PODNL1: variants seen among roughly 807,000 people sequenced by gnomAD.
PODNL1 encodes podocan-like protein 1.
In PODNL1, 50 loss-of-function variants were observed where a neutral mutation model predicts 45.1. The observed-to-expected ratio is 1.11, with a 90% CI of 0.88 to 1.40. The LOEUF (loss-of-function observed/expected upper bound fraction) is 1.40, where lower values mean the gene tolerates loss of function less well. Ranked by LOEUF, PODNL1 falls within the 40% of genes most tolerant of loss-of-function variation. The probability of loss-of-function intolerance (pLI) is 0.00; values close to 1 mark genes in which losing one functional copy is unlikely to be tolerated. For missense variants in PODNL1, 788 were observed against 793.3 expected (o/e 0.99, Z 0.08); for synonymous variants, 406 against 372.5 (o/e 1.09, Z -1.04).
chr19:13,932,604 C>T, intron 8 of PODNL1, 194 bp downstream of exon 8: 1 of 1,441,550 alleles, frequency 6.9e-7, no homozygotes, highest in Non-Finnish European at 9.4e-7. Flanking sequence ...GATTCTCCTG[C>T]CTTGGCTCCC....
upstream of PODNL1, among the ~76,000 whole-genome samples, chr19:13,940,288 G>C (rs1236553778): frequency 1.3e-5 from 2 of 151,684 alleles, no homozygotes; most frequent in Non-Finnish European, 2.9e-5. Context: ...AACTTTGTGG[G>C]GGGCCAGGCG....
intron 1 of PODNL1, among the ~76,000 whole-genome samples, chr19:13,948,774 CAAAAAA>C (rs781038849): frequency 4.4e-5 from 3 of 68,196 alleles, no homozygotes; most frequent in African/African-American, 1.5e-4. Context: ...CCTGCCTCTA[CAAAAAA>C]AAAAAAAAAA....
intron 5 of PODNL1, among the ~76,000 whole-genome samples, chr19:13,935,011 T>G (rs943630228): frequency 6.6e-6 from 1 of 151,888 alleles, no homozygotes; most frequent in Non-Finnish European, 1.5e-5. Context: ...TGTGTGCCTG[T>G]GTGCATGTGG....
rs765843888 is a variant in PODNL1, at chr19:13,936,007, C to CAGCT, written c.353_356dup (p.Gln120AlafsTer119). ...TGTTGTGAGCCACGCAGAGGTGCTG[C>CAGCT]AGCTGGGTGAGGGACTCGAAGGCCT... On this transcript the variant is annotated frameshift_variant, in exon 4 of 10. Transcript: ENST00000588872. LOFTEE classifies it high-confidence loss of function. The CAGCT allele has an allele frequency of 1.8e-5, 28 of 1,553,024 alleles. No homozygotes were observed. In the South Asian group the frequency reaches 3.2e-4, roughly 18 times the overall value.
chr19:13,933,397 C>T lies in PODNL1; in HGVS notation c.826G>A (p.Ala276Thr), dbSNP rs941050885. Residue 276 changes from alanine (A) to threonine (T), a missense_variant, in exon 8 of 10, where the codon GCC becomes ACC. Transcript: ENST00000588872. This position sits in a 1 kb window ranked among gnomAD's most constrained non-coding sequence, Gnocchi z 5.2. ...LSHNQLTTVPAGLPRTLAILH... is the reference protein window; with the variant it reads ...LSHNQLTTVPTGLPRTLAILH... ...ATAGCCAGGGTCCGGGGCAGGCCGG[C>T]GGGCACTGTGGTCAGCTGGTTGTGG... 41 of 1,603,686 alleles carry T rather than the reference C, an allele frequency of 2.6e-5. No homozygotes were observed. In the East Asian group the frequency reaches 3.6e-4, roughly 14 times the overall value.
chr19:13,932,231 C>A, intron 8 of PODNL1, 119 bp from the exon 9 acceptor site: 1 of 1,211,988 alleles, frequency 8.3e-7, no homozygotes, highest in Non-Finnish European at 1.0e-6. Flanking sequence ...GCCCTTCTGC[C>A]CCCCACCCCC....
In PODNL1 at chr19:13,936,053, G is replaced by GT. The variant is rs1972329263; in HGVS notation, c.320-10dup. ...GGCCTCGTCAGGCAGGCCTGGGAGAGTAGGGGGGCAGTGAAGGGACCCCAG... is the reference window on the plus strand; with the variant it reads ...GGCCTCGTCAGGCAGGCCTGGGAGAGTTAGGGGGGCAGTGAAGGGACCCCAG... On this transcript the variant is annotated splice_polypyrimidine_tract_variant and intron_variant, in intron 3 of 9. Transcript: ENST00000588872. 1 of 1,548,986 alleles carries GT rather than the reference G, an allele frequency of 6.5e-7. No homozygotes were observed. Among genetic ancestry groups the GT allele is most frequent in the Admixed American group, 2.0e-5 (1 of 51,040 alleles).
intron 5 of PODNL1, among the ~76,000 whole-genome samples, chr19:13,934,714 AAG>A (rs746955288): frequency 1.3e-4 from 19 of 150,182 alleles, no homozygotes; most frequent in South Asian, 8.4e-4. Context: ...ATGTGATTGT[AAG>A]AGTGTGTGGG....
intron 1 of PODNL1, among the ~76,000 whole-genome samples, chr19:13,946,158 A>G (rs967539391): frequency 1.3e-5 from 2 of 151,982 alleles, no homozygotes; most frequent in African/African-American, 4.8e-5. Flanking sequence ...TTGGCTGGGT[A>G]CAGTGGCTCA....
At chr19:13,941,526 A>C (rs777375544), upstream of PODNL1, among the ~76,000 whole-genome samples, 12 of 151,858 alleles carry the variant, frequency 7.9e-5, no homozygotes, top group African/African-American at 2.4e-5. Flanking sequence ...ATCAAGAAAC[A>C]GTGGCTGGGC....
chr19:13,931,917 A>T, intron 9 of PODNL1, 30 bp from the exon 10 acceptor site: 1 of 1,231,820 alleles, frequency 8.1e-7, no homozygotes, highest in Non-Finnish European at 1.0e-6. Context: ...TGACCCTCCC[A>T]GGCCCTCCCC....
Position 13,933,985 on chromosome 19 carries a change from G to T in PODNL1, c.660C>A (p.Leu220=). 6.2e-7 allele frequency: 1 copy of T among 1,605,318 alleles called. No individual in the cohort carries two copies. The highest frequency in any genetic ancestry group is 8.5e-7 in the Non-Finnish European group (1 of 1,175,950). The change falls in exon 7 of 10, where the codon CTC becomes CTA. Residue 220 remains leucine, a synonymous_variant. Coordinates refer to ENST00000588872, the MANE Select transcript of PODNL1 (RefSeq NM_001370095.3). The surrounding 1 kb of genome is among the most constrained non-coding windows in gnomAD (Gnocchi z 5.2). ...GGGCTCCTCGGGGCACCTTGGAGAT[G>T]AGATTGTTCTGGAGAAGGAAGAAGA... ...SLERLHLQNN[L]ISKVPRGALS...
intron 8 of PODNL1, 157 bp from the exon 9 acceptor site, chr19:13,932,269 A>C: frequency 1.0e-6 from 1 of 988,690 alleles, no homozygotes; most frequent in Non-Finnish European, 1.3e-6. Flanking sequence ...TCCCTTCTGC[A>C]GAGGTAAACT....
chr19:13,938,090 T>C, intron 1 of PODNL1, 84 bp from the exon 2 acceptor site: 1 of 1,479,156 alleles, frequency 6.8e-7, no homozygotes, highest in Non-Finnish European at 9.1e-7. Context: ...TCGGGGAGGG[T>C]CTTGGTGGGG....
chr19:13,941,273 G>T (rs1057062853), upstream of PODNL1, among the ~76,000 whole-genome samples: 1 of 151,458 alleles, frequency 6.6e-6, no homozygotes, highest in African/African-American at 2.4e-5. Context: ...GGCTAATGCA[G>T]GAGAATTGCT....
intron 5 of PODNL1, 57 bp downstream of exon 5, chr19:13,935,664 C>G (rs926532852): frequency 1.5e-6 from 2 of 1,300,096 alleles, no homozygotes; most frequent in African/African-American, 1.5e-5. Flanking sequence ...CTCCTAGAAC[C>G]GGGGCATGAC....
chr19:13,938,016 A>G lies in PODNL1; in HGVS notation c.4-10T>C, dbSNP rs1421957081. On this transcript the variant is annotated splice_polypyrimidine_tract_variant and intron_variant, in intron 1 of 9. Coordinates refer to ENST00000588872, the MANE Select transcript of PODNL1 (RefSeq NM_001370095.3). Reference sequence around the variant, plus strand: ...GCAGCAGGCTCGGCCACTGCGGGGGAGGGAGGGTCAGCGTGTCTCCAGGCT... The same window carrying G: ...GCAGCAGGCTCGGCCACTGCGGGGGGGGGAGGGTCAGCGTGTCTCCAGGCT... 2 of 1,501,904 alleles carry G rather than the reference A, an allele frequency of 1.3e-6. No individual in the cohort carries two copies. The highest frequency in any genetic ancestry group is 2.5e-5 in the South Asian group (2 of 80,138). The allele number at this position is 1,501,904 out of a possible 1,614,324, so 93.0% of individuals were successfully genotyped here.
chr19:13,935,052 CTG>C (rs757407385), intron 5 of PODNL1, among the ~76,000 whole-genome samples: 4 of 145,772 alleles, frequency 2.7e-5, no homozygotes, highest in Admixed American at 6.8e-5. Context: ...GTATGTGAGT[CTG>C]TGTGTGTGCT....
upstream of PODNL1, among the ~76,000 whole-genome samples, chr19:13,939,558 T>C (rs1483134120): frequency 1.3e-5 from 2 of 151,924 alleles, no homozygotes; most frequent in Non-Finnish European, 2.9e-5. Context: ...CTGGGCAATA[T>C]AGTGAGACCC....
Sources: gnomAD v4.1 joint callset for allele counts (sites outside exome capture counted in the v4.1 genomes callset) on GRCh38, gnomAD v4.1.1 for gene constraint, Gnocchi (gnomAD v3.1) non-coding constraint, MANE v1.5 for transcripts, NCBI Gene and HGNC (gene_info 2026-07-23, HGNC 2026-07-21) for gene names.